Variants in KCNQ2 observed in about 807,000 individuals in gnomAD.
KCNQ2 encodes potassium voltage-gated channel subfamily KQT member 2.
Under a neutral mutation model 84.8 loss-of-function variants are expected in KCNQ2, and 14 were observed. The observed-to-expected ratio is 0.17, with a 90% CI of 0.11 to 0.26. The LOEUF (loss-of-function observed/expected upper bound fraction) is 0.26, where lower values mean the gene tolerates loss of function less well. Ranked by LOEUF, KCNQ2 falls within the 10% of genes least tolerant of loss-of-function variation. KCNQ2 has a pLI of 1.00. For missense variants in KCNQ2, 788 were observed against 1,254.0 expected (o/e 0.63, Z 5.61); for synonymous variants, 599 against 554.1 (o/e 1.08, Z -1.14).
At chr20:63,471,623 G>A (rs1183076554) in intron 1 of KCNQ2, 1 of 152,996 alleles carries the variant, frequency 6.5e-6, no homozygotes, top group Non-Finnish European at 1.5e-5. Context: ...ACAGACAGCT[G>A]CGCTCAGCCC....
intron 4 of KCNQ2, 49 bp from the exon 5 acceptor site, chr20:63,442,580 C>T: frequency 1.9e-6 from 3 of 1,595,726 alleles, no homozygotes; most frequent in Non-Finnish European, 2.6e-6. Flanking sequence ...CCAGAAGCAT[C>T]ACCATCACCA....
intron 11 of KCNQ2, among the ~76,000 whole-genome samples, chr20:63,423,191 C>T (rs568788987): frequency 6.6e-6 from 1 of 152,304 alleles, no homozygotes; most frequent in East Asian, 1.9e-4. Flanking sequence ...CTTTCCAGCT[C>T]AAGGCACTGA....
At chr20:63,457,073 C>A (rs2081820258) in intron 1 of KCNQ2, among the ~76,000 whole-genome samples, 1 of 152,264 alleles carries the variant, frequency 6.6e-6, no homozygotes, top group African/African-American at 2.4e-5. Context: ...AGGACACACG[C>A]CACCTCCCAC....
At position 63,414,252 on chromosome 20, in the gene KCNQ2, G is replaced by C. The variant is rs117242768; in HGVS notation, c.1526-59C>G. ...GGGGGCCGGGAGACCTATTCCCGGG[G>C]TCCTGCAGGGCACACCGGCTAGACA... On this transcript the variant is annotated intron_variant, in intron 13 of 16. Coordinates refer to ENST00000359125, the MANE Select transcript of KCNQ2 (RefSeq NM_172107.4). The surrounding 1 kb of genome is among the most constrained non-coding windows in gnomAD (Gnocchi z 6.6). 11 of 1,252,556 alleles carry C rather than the reference G, an allele frequency of 8.8e-6. No individual in the cohort carries two copies. The South Asian group carries it at 1.2e-4, about 14-fold the overall frequency. The allele number at this position is 1,252,556 out of a possible 1,614,324, so 77.6% of individuals were successfully genotyped here.
chr20:63,454,364 A>G (rs1379569261), intron 1 of KCNQ2, among the ~76,000 whole-genome samples: 1 of 152,198 alleles, frequency 6.6e-6, no homozygotes, highest in East Asian at 1.9e-4. Context: ...GATGGCACAG[A>G]TGGCGCTGCC....
Position 63,414,781 on chromosome 20 carries a change from AG to A in KCNQ2, c.1525+121del. The A allele has an allele frequency of 1.1e-6, 1 of 899,456 alleles. No homozygotes were observed. Among genetic ancestry groups the A allele is most frequent in the Non-Finnish European group, 1.8e-6 (1 of 543,124 alleles). 55.7% of individuals were successfully genotyped at this position (899,456 alleles called of 1,614,324 possible). A position where few individuals can be genotyped will look rare whatever the true frequency, so the allele number is the denominator to read the frequency against. On this transcript the variant is annotated intron_variant, in intron 13 of 16. Transcript: ENST00000359125. This position sits in a 1 kb window ranked among gnomAD's most constrained non-coding sequence, Gnocchi z 6.6. Reference sequence around the variant, plus strand: ...GTCTCACCTCAATTTTAGAAAGGATAGGGGGTTCCCACTCCAAGAGCAAGCA... The same window carrying A: ...GTCTCACCTCAATTTTAGAAAGGATAGGGGTTCCCACTCCAAGAGCAAGCA...
rs142396067 is a variant in KCNQ2 at position 63,438,933 on chromosome 20, G to A, written c.928-213C>T. 1.4e-3 allele frequency among the ~76,000 whole-genome samples: 205 copies of A among 151,590 alleles called. No individual in the cohort carries two copies. The highest frequency in any genetic ancestry group is 4.1e-3 in the African/African-American group (170 of 41,262). ...CATCAGGGTCAGACCCGTCTCCACC[G>A]ATCCATGCCTCCCCCACCTTCATCA... On this transcript the variant is annotated intron_variant, in intron 6 of 16. Coordinates refer to ENST00000359125, the MANE Select transcript of KCNQ2 (RefSeq NM_172107.4). This position sits in a 1 kb window ranked among gnomAD's most constrained non-coding sequence, Gnocchi z 5.1.
At chr20:63,410,869 G>A in intron 15 of KCNQ2, 1 of 368,708 alleles carries the variant, frequency 2.7e-6, no homozygotes, top group Non-Finnish European at 5.4e-6. Flanking sequence ...AAGGCCAGGG[G>A]TCTATGCTCA....
intron 1 of KCNQ2, among the ~76,000 whole-genome samples, chr20:63,469,791 C>A (rs1175109499): frequency 6.6e-6 from 1 of 152,254 alleles, no homozygotes; most frequent in Non-Finnish European, 1.5e-5. Context: ...ACACGCCACA[C>A]GGGCCAGTCC....
chr20:63,460,697 A>T lies in KCNQ2; in HGVS notation c.296+11471T>A, dbSNP rs2081925819. Among the ~76,000 whole-genome samples, 1 of 152,216 alleles carries T rather than the reference A, an allele frequency of 6.6e-6. No homozygotes were observed. Among genetic ancestry groups the T allele is most frequent in the South Asian group, 2.1e-4 (1 of 4,836 alleles). On this transcript the variant is annotated intron_variant, in intron 1 of 16. Transcript: ENST00000359125. The surrounding 1 kb of genome is among the most constrained non-coding windows in gnomAD (Gnocchi z 5.4). Reference sequence around the variant, plus strand: ...TCTCCCCTCACCAGCCTTCCTGGCCAGGGTGGCCTCATCACCTAATCACAT... The same window carrying T: ...TCTCCCCTCACCAGCCTTCCTGGCCTGGGTGGCCTCATCACCTAATCACAT...
At chr20:63,420,750 T>C (rs550300421) in intron 11 of KCNQ2, among the ~76,000 whole-genome samples, 1 of 152,106 alleles carries the variant, frequency 6.6e-6, no homozygotes, top group Non-Finnish European at 1.5e-5. Flanking sequence ...CCCACCAGCC[T>C]GCAAGACTCC....
chr20:63,411,753 G>A (rs993014858), intron 15 of KCNQ2: 6 of 592,630 alleles, frequency 1.0e-5, no homozygotes, highest in African/African-American at 7.8e-5. Flanking sequence ...CAGACACGTC[G>A]GAGAGGCGCT....
chr20:63,430,631 G>A (rs2080762988), intron 9 of KCNQ2, among the ~76,000 whole-genome samples: 1 of 152,232 alleles, frequency 6.6e-6, no homozygotes, highest in Non-Finnish European at 1.5e-5. Context: ...CTGTATGGGG[G>A]TGAGGCTTCC....
chr20:63,413,419 C>A, intron 15 of KCNQ2, 31 bp downstream of exon 15: 1 of 1,612,446 alleles, frequency 6.2e-7, no homozygotes, highest in Non-Finnish European at 8.5e-7. Flanking sequence ...CCGTTCTTGT[C>A]CCCTGCTGGA....
At chr20:63,433,528 C>T in intron 8 of KCNQ2, 1 of 619,958 alleles carries the variant, frequency 1.6e-6, no homozygotes, top group Non-Finnish European at 2.8e-6. Flanking sequence ...CCTTGAGCTC[C>T]CTGGGGAGCG....
chr20:63,431,427 G>A (rs565316154), intron 8 of KCNQ2, 58 bp from the exon 9 acceptor site: 265 of 1,575,996 alleles, frequency 1.7e-4, no homozygotes, highest in Non-Finnish European at 2.3e-4. Context: ...AAAAAGAACG[G>A]GATAAGAAAA....
intron 7 of KCNQ2, among the ~76,000 whole-genome samples, chr20:63,435,594 A>T (rs1341684278): frequency 6.6e-6 from 1 of 152,214 alleles, no homozygotes; most frequent in Non-Finnish European, 1.5e-5. Flanking sequence ...GAGGCCAGAG[A>T]GTACACGGCG....
At chr20:63,442,725 TCATCACCACCTC>T (rs2081218110) in intron 4 of KCNQ2, among the ~76,000 whole-genome samples, 194 bp from the exon 5 acceptor site, 1 of 32,798 alleles carries the variant, frequency 3.0e-5, no homozygotes, top group African/African-American at 1.8e-4. Context: ...ACCACCACCA[TCATCACCACCTC>T]CACCATCACC....
chr20:63,465,866 C>T (rs996741392), intron 1 of KCNQ2, among the ~76,000 whole-genome samples: 6 of 152,254 alleles, frequency 3.9e-5, no homozygotes, highest in Admixed American at 3.9e-4. Context: ...GCCGTTTCCG[C>T]TCGACGCTCC....
Sources: gnomAD v4.1 joint callset for allele counts (sites outside exome capture counted in the v4.1 genomes callset) on GRCh38, gnomAD v4.1.1 for gene constraint, Gnocchi (gnomAD v3.1) non-coding constraint, MANE v1.5 for transcripts, NCBI Gene and HGNC (gene_info 2026-07-23, HGNC 2026-07-21) for gene names.